The following ALLC variants were observed in gnomAD, a reference collection of about 807,000 sequenced individuals.
ALLC encodes the protein probable inactive allantoicase.
A neutral mutation model predicts 45.0 loss-of-function variants in ALLC; 40 were observed. The observed-to-expected ratio is 0.89, with a 90% CI of 0.69 to 1.16. The LOEUF is 1.16. Among genes scored for constraint, ALLC ranks in the 50% most tolerant of loss-of-function variants. ALLC has a pLI of 0.00. For missense variants in ALLC, 488 were observed against 493.1 expected (o/e 0.99, Z 0.10); for synonymous variants, 176 against 178.1 (o/e 0.99, Z 0.09).
At chr2:3,673,290 C>T (rs895522780) in intron 2 of ALLC, among the ~76,000 whole-genome samples, 3 of 152,222 alleles carry the variant, frequency 2.0e-5, no homozygotes, top group African/African-American at 7.2e-5. Context: ...CCCTGTGAAG[C>T]CTTCTGCTGA....
At chr2:3,665,512 G>A (rs184640139) in intron 1 of ALLC, among the ~76,000 whole-genome samples, 14 of 152,174 alleles carry the variant, frequency 9.2e-5, no homozygotes, top group East Asian at 3.9e-4. Context: ...CCCTTCCTGC[G>A]TCCGTGTGTT....
chr2:3,682,778 G>C (rs1667226060), intron 6 of ALLC, among the ~76,000 whole-genome samples, 164 bp from the exon 7 acceptor site: 1 of 152,212 alleles, frequency 6.6e-6, no homozygotes, highest in African/African-American at 2.4e-5. Flanking sequence ...GCCCGCCTCG[G>C]CCTCCCAAGG....
chr2:3,667,560 C>T (rs891829453), intron 1 of ALLC, among the ~76,000 whole-genome samples: 2 of 152,208 alleles, frequency 1.3e-5, no homozygotes, highest in Non-Finnish European at 2.9e-5. Flanking sequence ...GTCAAAGACG[C>T]GTTCCTTTTC....
At chr2:3,672,869 G>A (rs891648612) in intron 2 of ALLC, among the ~76,000 whole-genome samples, 14 of 152,264 alleles carry the variant, frequency 9.2e-5, no homozygotes, top group African/African-American at 2.9e-4. Flanking sequence ...GTGCAGAGGC[G>A]CTGGGGTGCA....
intron 1 of ALLC, among the ~76,000 whole-genome samples, chr2:3,660,255 G>T (rs896784028): frequency 1.3e-5 from 2 of 152,120 alleles, no homozygotes; most frequent in South Asian, 4.1e-4. Context: ...GCTGCACGCC[G>T]GCTCCCTTCA....
intron 1 of ALLC, among the ~76,000 whole-genome samples, chr2:3,660,199 G>A (rs1255888150): frequency 6.6e-6 from 1 of 152,134 alleles, no homozygotes. Context: ...TGCTTGTTAG[G>A]AGGAGCCTGG....
chr2:3,668,033 G>C (rs55682789), intron 1 of ALLC, among the ~76,000 whole-genome samples: 3 of 152,322 alleles, frequency 2.0e-5, no homozygotes, highest in African/African-American at 4.8e-5. Flanking sequence ...CCAAAGTGCT[G>C]GGATTACAGG....
chr2:3,668,352 T>C (rs1666781246), intron 1 of ALLC, among the ~76,000 whole-genome samples: 1 of 151,944 alleles, frequency 6.6e-6, no homozygotes, highest in Non-Finnish European at 1.5e-5. Context: ...GGGAGGTGCT[T>C]GTGGCCAAGG....
chr2:3,648,308 C>T, the ALLC span, among the ~76,000 whole-genome samples: 2 of 152,220 alleles, frequency 1.3e-5, no homozygotes, highest in Non-Finnish European at 2.9e-5. Flanking sequence ...CATGTCTTCC[C>T]ATCTGTCTTT....
intron 7 of ALLC, among the ~76,000 whole-genome samples, chr2:3,691,051 C>G (rs921409601): frequency 2.0e-5 from 3 of 151,306 alleles, no homozygotes; most frequent in Non-Finnish European, 2.9e-5. Context: ...GATTTTCTCT[C>G]TCTTTCATAT....
chr2:3,674,932 A>AC (rs1666982219), intron 3 of ALLC, among the ~76,000 whole-genome samples: 1 of 152,254 alleles, frequency 6.6e-6, no homozygotes, highest in Non-Finnish European at 1.5e-5. Flanking sequence ...ACCTTGACCT[A>AC]GTTGTTCCAC....
chr2:3,701,777 A>G lies in ALLC; in HGVS notation c.975+141A>G, dbSNP rs1001616126. 9.6e-6 allele frequency: 10 copies of G among 1,046,676 alleles called. No individual in the cohort carries two copies. In the Admixed American group the frequency reaches 1.0e-4, roughly 10 times the overall value. 64.8% of individuals were successfully genotyped at this position (1,046,676 alleles called of 1,614,324 possible). A position where few individuals can be genotyped will look rare whatever the true frequency, so the allele number is the denominator to read the frequency against. ...ATGAGGTTTAAAACCCCTATCTGCA[A>G]ACTTTAAGAAGAAAGGCTCTATTTC... On this transcript the variant is annotated intron_variant, in intron 11 of 11. Transcript: ENST00000252505.
At chr2:3,685,229 A>G (rs911845826) in intron 7 of ALLC, among the ~76,000 whole-genome samples, 4 of 133,874 alleles carry the variant, frequency 3.0e-5, no homozygotes, top group African/African-American at 1.1e-4. Context: ...AGCATCCACT[A>G]TTCCCCCGTC....
intron 1 of ALLC, among the ~76,000 whole-genome samples, chr2:3,665,366 C>T (rs1053674430): frequency 1.3e-5 from 2 of 151,906 alleles, no homozygotes; most frequent in African/African-American, 2.4e-5. Context: ...ATGTTTGCTA[C>T]GTAGGTAAAC....
At chr2:3,666,689 G>A (rs1206527593) in intron 1 of ALLC, among the ~76,000 whole-genome samples, 11 of 152,230 alleles carry the variant, frequency 7.2e-5, no homozygotes, top group Admixed American at 5.9e-4. Context: ...ATGCTGCTAC[G>A]AGCTCTGTGA....
intron 6 of ALLC, among the ~76,000 whole-genome samples, chr2:3,682,439 C>T (rs1667203055): frequency 6.6e-6 from 1 of 152,302 alleles, no homozygotes; most frequent in Middle Eastern, 3.4e-3. Context: ...CAAAACAGGC[C>T]TTTATTCTGT....
At chr2:3,669,286 G>T (rs1488729996) in intron 1 of ALLC, among the ~76,000 whole-genome samples, 1 of 152,106 alleles carries the variant, frequency 6.6e-6, no homozygotes, top group Non-Finnish European at 1.5e-5. Flanking sequence ...ATCCTGGCCA[G>T]CATGGTAAAA....
At chr2:3,693,800 C>T (rs1667585899) in intron 7 of ALLC, among the ~76,000 whole-genome samples, 1 of 152,154 alleles carries the variant, frequency 6.6e-6, no homozygotes, top group Non-Finnish European at 1.5e-5. Flanking sequence ...CCAGCCTGGC[C>T]AACATGGGGA....
chr2:3,656,585 TC>T (rs1666444290), upstream of ALLC, among the ~76,000 whole-genome samples: 1 of 151,136 alleles, frequency 6.6e-6, no homozygotes, highest in Non-Finnish European at 1.5e-5. Flanking sequence ...GGCTGCCACG[TC>T]GGATGGGGCA....
Sources: allele counts gnomAD v4.1 joint callset (sites outside exome capture counted in the v4.1 genomes callset), GRCh38; gene constraint gnomAD v4.1.1; transcripts MANE v1.5; gene names NCBI Gene and HGNC (gene_info 2026-07-23, HGNC 2026-07-21).